The following FBXW8 variants were observed in gnomAD, a reference collection of about 807,000 sequenced individuals.
The protein encoded by FBXW8 is F-box/WD repeat-containing protein 8.
Under a neutral mutation model 65.3 loss-of-function variants are expected in FBXW8, and 57 were observed. The observed-to-expected ratio is 0.87, with a 90% CI of 0.71 to 1.09. The LOEUF (loss-of-function observed/expected upper bound fraction) is 1.09, where lower values mean the gene tolerates loss of function less well. FBXW8 is among the 50% of genes least tolerant of loss of function. The probability of loss-of-function intolerance (pLI) is 0.00; values close to 1 mark genes in which losing one functional copy is unlikely to be tolerated. For synonymous variants in FBXW8, 308 were observed against 330.2 expected (o/e 0.93, Z 0.73); for missense variants, 777 against 814.8 (o/e 0.95, Z 0.57).
Position 116,936,708 on chromosome 12 carries a change from A to T in FBXW8, c.423+8581A>T, listed in dbSNP as rs887639868. ...TGGTCTCCGGAACTATAAGCGAATA[A>T]ATCTGTATTGTTTTAAGCAGCTAAG... is the stretch of plus-strand genomic sequence containing the variant. On this transcript the variant is annotated intron_variant, in intron 2 of 10. Coordinates refer to ENST00000652555, the MANE Select transcript of FBXW8 (RefSeq NM_153348.3). This position sits in a 1 kb window ranked among gnomAD's most constrained non-coding sequence, Gnocchi z 4.6. Among the ~76,000 whole-genome samples, 2 of 152,114 alleles carry T rather than the reference A, an allele frequency of 1.3e-5. No individual in the cohort carries two copies. The highest frequency in any genetic ancestry group is 2.9e-5 in the Non-Finnish European group (2 of 68,034).
intron 7 of FBXW8, among the ~76,000 whole-genome samples, chr12:117,004,878 G>A (rs924476224): frequency 3.3e-5 from 5 of 152,254 alleles, no homozygotes; most frequent in South Asian, 2.1e-4. Context: ...CCTGGGTTTC[G>A]TGCTCTCTTC....
intron 4 of FBXW8, among the ~76,000 whole-genome samples, chr12:116,954,788 A>C (rs113284630): frequency 6.6e-6 from 1 of 152,094 alleles, no homozygotes; most frequent in Non-Finnish European, 1.5e-5. Flanking sequence ...TAACCTTTTG[A>C]CTTGAAGTCT....
chr12:117,010,483 C>T (rs200013446), intron 8 of FBXW8, 33 bp downstream of exon 8: 2 of 1,613,952 alleles, frequency 1.2e-6, no homozygotes, highest in Admixed American at 3.3e-5. Flanking sequence ...GCCTTGCAGC[C>T]CCATGGCTTC....
chr12:117,013,084 A>C (rs536507169), intron 8 of FBXW8, among the ~76,000 whole-genome samples: 1 of 152,226 alleles, frequency 6.6e-6, no homozygotes, highest in African/African-American at 2.4e-5. Context: ...TCTCTACTAA[A>C]ATACAAAAAT....
At chr12:116,949,368 A>T in intron 3 of FBXW8, 1 of 503,500 alleles carries the variant, frequency 2.0e-6, no homozygotes, top group Non-Finnish European at 3.6e-6. Context: ...CTCCTGGAGG[A>T]TGGGGCAATG....
chr12:116,915,657 T>C (rs1880348516), intron 1 of FBXW8, among the ~76,000 whole-genome samples: 1 of 141,156 alleles, frequency 7.1e-6, no homozygotes, highest in South Asian at 2.3e-4. Flanking sequence ...TTTTTTTTTT[T>C]TTTTTTTTTT....
chr12:116,968,664 T>C (rs1884470132), intron 5 of FBXW8, among the ~76,000 whole-genome samples: 1 of 152,244 alleles, frequency 6.6e-6, no homozygotes, highest in African/African-American at 2.4e-5. Context: ...TACTATTTTA[T>C]GCTCTTACCA....
At chr12:116,929,951 G>T (rs1881641743) in intron 2 of FBXW8, among the ~76,000 whole-genome samples, 1 of 152,088 alleles carries the variant, frequency 6.6e-6, no homozygotes, top group Non-Finnish European at 1.5e-5. Flanking sequence ...TTCTGTGGCT[G>T]GCTTATTTCA....
chr12:117,021,738 CTTTCCGATTTT>C (rs1565945858), intron 8 of FBXW8, among the ~76,000 whole-genome samples: 2 of 151,604 alleles, frequency 1.3e-5, no homozygotes, highest in Non-Finnish European at 1.5e-5. Context: ...CTACCCACTT[CTTTCCGATTTT>C]TTTTAACCTT....
intron 2 of FBXW8, among the ~76,000 whole-genome samples, chr12:116,929,993 A>G (rs1881647098): frequency 6.6e-6 from 1 of 152,114 alleles, no homozygotes; most frequent in African/African-American, 2.4e-5. Flanking sequence ...TTCATCCACC[A>G]TGTTGTTGTA....
At chr12:116,982,488 A>G (rs1044792977) in intron 5 of FBXW8, among the ~76,000 whole-genome samples, 2 of 152,332 alleles carry the variant, frequency 1.3e-5, no homozygotes, top group Non-Finnish European at 2.9e-5. Context: ...TGTGCACGTG[A>G]TATCAGCCCC....
intron 6 of FBXW8, among the ~76,000 whole-genome samples, chr12:116,987,692 TAAAC>T (rs199576840): frequency 0.014 from 2,182 of 152,190 alleles, 38 homozygotes; most frequent in African/African-American, 0.048. Flanking sequence ...CAGTTCATTG[TAAAC>T]AAACAAACAA....
At chr12:116,921,547 A>G (rs1206059547) in intron 1 of FBXW8, among the ~76,000 whole-genome samples, 4 of 152,192 alleles carry the variant, frequency 2.6e-5, no homozygotes, top group African/African-American at 9.7e-5. Context: ...ACTTACCTCT[A>G]TAAAAGATTT....
intron 8 of FBXW8, among the ~76,000 whole-genome samples, chr12:117,017,618 A>G (rs1440931017): frequency 6.6e-6 from 1 of 152,242 alleles, no homozygotes; most frequent in Non-Finnish European, 1.5e-5. Context: ...CAGTGAGAGC[A>G]AACAGAATCA....
chr12:116,917,439 G>T (rs1434536596), intron 1 of FBXW8, among the ~76,000 whole-genome samples: 4 of 152,124 alleles, frequency 2.6e-5, no homozygotes, highest in African/African-American at 9.7e-5. Flanking sequence ...AATAAAATCT[G>T]GTACTACCTT....
intron 2 of FBXW8, among the ~76,000 whole-genome samples, chr12:116,937,074 C>T (rs1213888234): frequency 6.6e-6 from 1 of 151,962 alleles, no homozygotes; most frequent in African/African-American, 2.4e-5. Flanking sequence ...TGGACAGAGT[C>T]AGGATTGTGG....
chr12:116,925,749 T>C (rs1257781237), intron 1 of FBXW8, among the ~76,000 whole-genome samples: 1 of 152,214 alleles, frequency 6.6e-6, no homozygotes, highest in African/African-American at 2.4e-5. Context: ...TCAAGAACCA[T>C]CATAATGCAT....
intron 4 of FBXW8, among the ~76,000 whole-genome samples, chr12:116,955,724 ATGCTT>A (rs1233917430): frequency 6.6e-6 from 1 of 152,204 alleles, no homozygotes; most frequent in African/African-American, 2.4e-5. Context: ...CTGTTTTGTG[ATGCTT>A]AGACTGTTCT....
At chr12:116,993,451 C>A (rs974579136) in intron 7 of FBXW8, among the ~76,000 whole-genome samples, 2 of 151,980 alleles carry the variant, frequency 1.3e-5, no homozygotes, top group Non-Finnish European at 2.9e-5. Context: ...AAGGTGGTAT[C>A]TTATTGTGGT....
Sources: gnomAD v4.1 joint callset for allele counts (sites outside exome capture counted in the v4.1 genomes callset) on GRCh38, gnomAD v4.1.1 for gene constraint, Gnocchi (gnomAD v3.1) non-coding constraint, MANE v1.5 for transcripts, NCBI Gene and HGNC (gene_info 2026-07-23, HGNC 2026-07-21) for gene names.